The following LRRC1 variants were observed in gnomAD, a reference collection of about 807,000 sequenced individuals.
LRRC1 encodes leucine-rich repeat-containing protein 1.
In LRRC1, 28 loss-of-function variants were observed where a neutral mutation model predicts 69.9. The ratio of observed to expected loss-of-function variants is 0.40; its 90% CI spans 0.30 to 0.55. The LOEUF is 0.55. Ranked by LOEUF, LRRC1 falls within the 20% of genes least tolerant of loss-of-function variation. LRRC1 has a pLI of 0.47. For synonymous variants in LRRC1, 236 were observed against 240.2 expected, an observed-to-expected ratio of 0.98 and a Z score of 0.16; for missense variants, 498 against 609.0, an observed-to-expected ratio of 0.82 and a Z score of 1.92.
intron 2 of LRRC1, among the ~76,000 whole-genome samples, chr6:53,855,328 T>C (rs1374023018): frequency 6.6e-6 from 1 of 152,238 alleles, no homozygotes; most frequent in Non-Finnish European, 1.5e-5. Context: ...AAGCCTTCCA[T>C]TCAGCGAGTG....
chr6:53,797,598 T>A (rs1290143617), intron 1 of LRRC1, among the ~76,000 whole-genome samples: 2 of 152,204 alleles, frequency 1.3e-5, no homozygotes, highest in Non-Finnish European at 2.9e-5. Flanking sequence ...TTCACAAGCC[T>A]CAAAGGTCCT....
At chr6:53,919,477 T>TTAAA (rs371290750) in intron 11 of LRRC1, 21 bp from the exon 12 acceptor site, 52,595 of 1,234,420 alleles carry the variant, frequency 0.043, 891 homozygotes, top group South Asian at 0.056. Context: ...TCTCTTTTTT[T>TTAAA]AAAAAAAAAA....
chr6:53,889,960 T>C (rs956537974), intron 4 of LRRC1, among the ~76,000 whole-genome samples: 2 of 152,190 alleles, frequency 1.3e-5, no homozygotes, highest in African/African-American at 4.8e-5. Flanking sequence ...TACTTGCACC[T>C]GGTGATCAGG....
intron 7 of LRRC1, among the ~76,000 whole-genome samples, chr6:53,899,202 C>T (rs761114619): frequency 8.5e-5 from 13 of 152,172 alleles, no homozygotes; most frequent in Non-Finnish European, 1.3e-4. Context: ...ACTGTTTTCA[C>T]TAAAGGCAGT....
chr6:53,872,123 T>C (rs896101066), intron 2 of LRRC1, among the ~76,000 whole-genome samples: 4 of 152,190 alleles, frequency 2.6e-5, no homozygotes, highest in Non-Finnish European at 4.4e-5. Context: ...TCAATTTTTA[T>C]ATATGGTGAG....
intron 4 of LRRC1, among the ~76,000 whole-genome samples, chr6:53,887,271 G>A (rs1296793072): frequency 6.6e-6 from 1 of 152,124 alleles, no homozygotes; most frequent in Non-Finnish European, 1.5e-5. Flanking sequence ...TATTTCTGAT[G>A]TAATATTAGG....
chr6:53,812,671 G>A (rs1455308545), intron 1 of LRRC1, among the ~76,000 whole-genome samples: 2 of 110,764 alleles, frequency 1.8e-5, no homozygotes, highest in Non-Finnish European at 3.4e-5. Context: ...GCCTGGGCAA[G>A]AGTGCAAGAC....
chr6:53,827,662 G>A (rs1765312102), intron 1 of LRRC1, among the ~76,000 whole-genome samples: 1 of 152,174 alleles, frequency 6.6e-6, no homozygotes. Flanking sequence ...GCCTGTGGGT[G>A]TGGGAAATGG....
At chr6:53,919,796 A>C in intron 12 of LRRC1, 126 bp downstream of exon 12, 6 of 775,040 alleles carry the variant, frequency 7.7e-6, no homozygotes, top group Non-Finnish European at 1.2e-5. Context: ...GAGCCAGCTC[A>C]GGTGAGGCCA....
chr6:53,857,628 C>G (rs1052445309), intron 2 of LRRC1, among the ~76,000 whole-genome samples: 3 of 152,176 alleles, frequency 2.0e-5, no homozygotes, highest in African/African-American at 7.2e-5. Flanking sequence ...GCAGCACATT[C>G]AGAAGGGCTG....
chr6:53,857,434 C>T (rs571680285), intron 2 of LRRC1, among the ~76,000 whole-genome samples: 25 of 152,244 alleles, frequency 1.6e-4, no homozygotes, highest in Admixed American at 1.4e-3. Flanking sequence ...AGCTACTGTG[C>T]AGATTAATGG....
chr6:53,884,645 T>G (rs1029831954), intron 4 of LRRC1, among the ~76,000 whole-genome samples: 1 of 152,196 alleles, frequency 6.6e-6, no homozygotes, highest in African/African-American at 2.4e-5. Flanking sequence ...ATTCTTAGTC[T>G]GCAGCTGCCT....
At chr6:53,906,124 C>T (rs1768226615) in intron 10 of LRRC1, among the ~76,000 whole-genome samples, 1 of 152,114 alleles carries the variant, frequency 6.6e-6, no homozygotes, top group Admixed American at 6.5e-5. Flanking sequence ...CTTGTTGAAT[C>T]CTTACAACAG....
chr6:53,820,025 G>A (rs961211337), intron 1 of LRRC1, among the ~76,000 whole-genome samples: 1 of 152,172 alleles, frequency 6.6e-6, no homozygotes, highest in African/African-American at 2.4e-5. Context: ...AGGTCTCCAT[G>A]ATTCTGTACA....
intron 10 of LRRC1, among the ~76,000 whole-genome samples, chr6:53,911,112 T>C (rs1768395211): frequency 6.6e-6 from 1 of 152,206 alleles, no homozygotes; most frequent in Non-Finnish European, 1.5e-5. Context: ...CCAGAGGGCC[T>C]AAGAGGCTCT....
At chr6:53,902,894 T>C in intron 9 of LRRC1, 147 bp downstream of exon 9, 1 of 572,360 alleles carries the variant, frequency 1.7e-6, no homozygotes, top group South Asian at 2.7e-5. Flanking sequence ...GATCAGTTTT[T>C]AACCTGCTTA....
chr6:53,845,802 G>T (rs1388729527), intron 2 of LRRC1, among the ~76,000 whole-genome samples: 2 of 152,216 alleles, frequency 1.3e-5, no homozygotes, highest in Non-Finnish European at 2.9e-5. Context: ...GAAGCTCCCA[G>T]GGGATGCCAA....
Position 53,842,186 on chromosome 6 carries a change from C to CA in LRRC1, c.239dup (p.Asn80LysfsTer14). The stretch of plus-strand genomic sequence containing the variant: ...ATTCAGCGGCTCCCTCCAGAAATAG[C>CA]AAACTTCATGCAGCTGGTGGAACTA... On this transcript the variant is annotated frameshift_variant, in exon 2 of 14. Transcript: ENST00000370888. LOFTEE classifies it high-confidence loss of function. 6.2e-7 allele frequency: 1 copy of CA among 1,613,992 alleles called. No individual in the cohort carries two copies. The highest frequency in any genetic ancestry group is 1.7e-5 in the Admixed American group (1 of 60,020).
intron 2 of LRRC1, among the ~76,000 whole-genome samples, chr6:53,852,173 A>G (rs1375147233): frequency 1.3e-5 from 2 of 152,206 alleles, no homozygotes; most frequent in African/African-American, 4.8e-5. Flanking sequence ...GACTCTTAAA[A>G]GAGGCTGTGC....
Sources: allele counts gnomAD v4.1 joint callset (sites outside exome capture counted in the v4.1 genomes callset), GRCh38; gene constraint gnomAD v4.1.1; transcripts MANE v1.5; gene names NCBI Gene and HGNC (gene_info 2026-07-23, HGNC 2026-07-21).